Variants in UNC13A observed in about 807,000 individuals in gnomAD.
UNC13A encodes the protein protein unc-13 homolog A.
In UNC13A, 61 loss-of-function variants were observed where a neutral mutation model predicts 219.7. The observed-to-expected ratio is 0.28, with a 90% CI of 0.23 to 0.34. The LOEUF is 0.34. Ranked by LOEUF, UNC13A falls within the 10% of genes least tolerant of loss-of-function variation. UNC13A has a pLI of 1.00. For synonymous variants in UNC13A, 920 were observed against 884.6 expected, an observed-to-expected ratio of 1.04 and a Z score of -0.71; for missense variants, 1,476 against 2,270.3, an observed-to-expected ratio of 0.65 and a Z score of 7.11.
At chr19:17,655,817 A>G in intron 10 of UNC13A, 66 bp downstream of exon 10, 1 of 1,451,866 alleles carries the variant, frequency 6.9e-7, no homozygotes, top group Non-Finnish European at 9.0e-7. Context: ...CGCTGACCCC[A>G]TCATAGCCCT....
At chr19:17,672,116 T>C (rs1777832942) in intron 4 of UNC13A, among the ~76,000 whole-genome samples, 1 of 151,974 alleles carries the variant, frequency 6.6e-6, no homozygotes, top group African/African-American at 2.4e-5. Context: ...ACCAGCACCT[T>C]TCGGTGGTTG....
At chr19:17,686,600 C>T (rs2145942504) in intron 1 of UNC13A, among the ~76,000 whole-genome samples, 1 of 152,118 alleles carries the variant, frequency 6.6e-6, no homozygotes, top group East Asian at 2.0e-4. Context: ...ACTCCATAGG[C>T]CTGGAGGCTA....
At chr19:17,612,012 G>A (rs1401775212) in intron 41 of UNC13A, 157 bp from the exon 42 acceptor site, 1 of 577,180 alleles carries the variant, frequency 1.7e-6, no homozygotes, top group Non-Finnish European at 3.1e-6. Context: ...AGGTGCTCTT[G>A]GGAAGCCAAG....
intron 12 of UNC13A, among the ~76,000 whole-genome samples, chr19:17,650,386 T>C (rs1353559224): frequency 6.6e-6 from 1 of 151,854 alleles, no homozygotes; most frequent in Non-Finnish European, 1.5e-5. Flanking sequence ...TGGTAGTGCA[T>C]GCCTGTAGTC....
chr19:17,669,986 G>A (rs1332047725), intron 4 of UNC13A, among the ~76,000 whole-genome samples: 1 of 122,746 alleles, frequency 8.1e-6, no homozygotes, highest in African/African-American at 3.2e-5. Context: ...TCGCTCTGTC[G>A]CCCAGGCTGG....
intron 1 of UNC13A, among the ~76,000 whole-genome samples, chr19:17,680,879 C>CTTTTTTTTTTTTTTTTTTTTTT (rs2079996579): frequency 2.5e-5 from 2 of 80,226 alleles, no homozygotes; most frequent in South Asian, 4.5e-4. Context: ...CTTTTTTTTT[C>CTTTTTTTTTTTTTTTTTTTTTT]TTTTCTTTTC....
At chr19:17,672,561 G>A (rs1305951542) in intron 3 of UNC13A, 66 bp from the exon 4 acceptor site, 2 of 1,315,278 alleles carry the variant, frequency 1.5e-6, no homozygotes, top group Non-Finnish European at 2.1e-6. Context: ...AGGGAGTTTA[G>A]TTGATTCGCC....
chr19:17,680,074 CGA>C, intron 1 of UNC13A, among the ~76,000 whole-genome samples: 1 of 141,100 alleles, frequency 7.1e-6, no homozygotes, highest in East Asian at 2.1e-4. Context: ...GAAAGGGGGC[CGA>C]GAGTGGCGAG....
At chr19:17,641,619 C>A in intron 20 of UNC13A, 63 bp from the exon 21 acceptor site, 1 of 1,562,738 alleles carries the variant, frequency 6.4e-7, no homozygotes, top group East Asian at 2.3e-5. Context: ...TCAGAGGTCC[C>A]AGGGTCTGGG....
At chr19:17,660,282 G>A (rs1163794273) in intron 8 of UNC13A, among the ~76,000 whole-genome samples, 1 of 148,198 alleles carries the variant, frequency 6.7e-6, no homozygotes, top group Non-Finnish European at 1.5e-5. Flanking sequence ...TGTTTACCCA[G>A]TTTTTTTTTT....
chr19:17,629,270 G>A lies in UNC13A; in HGVS notation c.3723C>T (p.Ala1241=). ...QYADIISKDF[A]SYCSKEKEKV... Reference sequence around the variant, plus strand: ...TCTCCTTCTCCTTGGAGCAGTAGGAGGCAAAGTCCTTGGAGATGATGTCTG... The same window carrying A: ...TCTCCTTCTCCTTGGAGCAGTAGGAAGCAAAGTCCTTGGAGATGATGTCTG... The change falls in exon 31 of 44, where the codon GCC becomes GCT. Residue 1241 remains alanine, a synonymous_variant. Transcript: ENST00000519716. The A allele has an allele frequency of 6.2e-7, 1 of 1,612,218 alleles. No homozygotes were observed. Among genetic ancestry groups the A allele is most frequent in the Non-Finnish European group, 8.5e-7 (1 of 1,179,314 alleles).
intron 28 of UNC13A, among the ~76,000 whole-genome samples, chr19:17,631,690 T>C (rs1349485667): frequency 1.3e-5 from 2 of 152,200 alleles, no homozygotes; most frequent in Non-Finnish European, 2.9e-5. Flanking sequence ...TGTCATGTAC[T>C]GGGAGTCACC....
At chr19:17,661,949 T>G (rs534688954) in intron 8 of UNC13A, among the ~76,000 whole-genome samples, 10 of 151,976 alleles carry the variant, frequency 6.6e-5, no homozygotes, top group Middle Eastern at 3.4e-3. Flanking sequence ...CAGCATTAGA[T>G]TCTCATAGAA....
At chr19:17,672,528 C>T in intron 3 of UNC13A, 33 bp from the exon 4 acceptor site, 1 of 1,586,788 alleles carries the variant, frequency 6.3e-7, no homozygotes, top group Non-Finnish European at 8.6e-7. Flanking sequence ...GTCGAGGGAG[C>T]AGGAGGGAGG....
rs1286691971 is a variant in UNC13A at position 17,649,026 on chromosome 19, A to G, written c.1525-43T>C. The G allele has an allele frequency of 1.3e-6, 2 of 1,549,282 alleles. No homozygotes were observed. On this transcript the variant is annotated intron_variant, in intron 14 of 43. Coordinates refer to ENST00000519716, the MANE Select transcript of UNC13A (RefSeq NM_001080421.3). This position sits in a 1 kb window ranked among gnomAD's most constrained non-coding sequence, Gnocchi z 4.4. ...GAGGGAGTCGGGGGGGTTGACATCC[A>G]TGAGATCACCACCAGGAGAGTTCAC...
chr19:17,663,505 A>G (rs1215202280), intron 8 of UNC13A, 27 bp downstream of exon 8: 1 of 1,611,950 alleles, frequency 6.2e-7, no homozygotes, highest in Non-Finnish European at 8.5e-7. Context: ...TGTAACTCCC[A>G]GAACATCAAT....
At chr19:17,635,375 C>T (rs1012804721) in intron 26 of UNC13A, among the ~76,000 whole-genome samples, 5 of 152,270 alleles carry the variant, frequency 3.3e-5, no homozygotes, top group African/African-American at 9.6e-5. Flanking sequence ...AATTCCCTAA[C>T]CAGGATATGT....
chr19:17,650,758 G>A (rs536889568), intron 12 of UNC13A, among the ~76,000 whole-genome samples: 16 of 150,814 alleles, frequency 1.1e-4, no homozygotes, highest in Non-Finnish European at 1.8e-4. Flanking sequence ...GATTACAGGC[G>A]TGAGCCACCA....
intron 15 of UNC13A, 87 bp from the exon 16 acceptor site, chr19:17,648,737 G>A: frequency 6.5e-7 from 1 of 1,546,722 alleles, no homozygotes; most frequent in Non-Finnish European, 8.8e-7. Context: ...ACTGAGCGCG[G>A]TAAAGTCCCA....
Sources: allele counts gnomAD v4.1 joint callset (sites outside exome capture counted in the v4.1 genomes callset), GRCh38; gene constraint gnomAD v4.1.1; non-coding constraint Gnocchi (gnomAD v3.1); transcripts MANE v1.5; gene names NCBI Gene and HGNC (gene_info 2026-07-23, HGNC 2026-07-21).